ERICH3: variants seen among roughly 807,000 people sequenced by gnomAD.
ERICH3 encodes the protein glutamate-rich protein 3.
A neutral mutation model predicts 131.1 loss-of-function variants in ERICH3; 126 were observed. That is an observed-to-expected ratio of 0.96 (90% CI 0.83 to 1.11). The LOEUF (loss-of-function observed/expected upper bound fraction) is 1.11. ERICH3 is among the 50% of genes most tolerant of loss of function. The pLI is 0.00. For missense variants in ERICH3, 2,050 were observed against 1,810.7 expected, an observed-to-expected ratio of 1.13 and a Z score of -2.40; for synonymous variants, 695 against 644.6, an observed-to-expected ratio of 1.08 and a Z score of -1.18.
intron 2 of ERICH3, 67 bp from the exon 3 acceptor site, chr1:74,646,859 A>T: frequency 1.3e-6 from 1 of 772,986 alleles, no homozygotes. Flanking sequence ...TTTCCAAAAA[A>T]GGGAGGCTGG....
At chr1:74,585,662 A>T (rs541682423) in intron 12 of ERICH3, among the ~76,000 whole-genome samples, 1 of 152,236 alleles carries the variant, frequency 6.6e-6, no homozygotes, top group African/African-American at 2.4e-5. Flanking sequence ...AAATAATTAA[A>T]TACCATACAA....
intron 10 of ERICH3, among the ~76,000 whole-genome samples, chr1:74,602,845 T>C (rs1369615870): frequency 6.6e-6 from 1 of 151,928 alleles, no homozygotes; most frequent in East Asian, 1.9e-4. Context: ...ATCCTATTTG[T>C]TCATACCTCT....
chr1:74,658,434 C>A (rs912043670), intron 1 of ERICH3, among the ~76,000 whole-genome samples: 3 of 152,118 alleles, frequency 2.0e-5, no homozygotes, highest in Admixed American at 2.0e-4. Flanking sequence ...ACCAAACAAA[C>A]CCTTGGCCAA....
chr1:74,588,719 C>T (rs913749571), intron 12 of ERICH3, among the ~76,000 whole-genome samples: 14 of 152,086 alleles, frequency 9.2e-5, no homozygotes, highest in African/African-American at 3.4e-4. Context: ...AAGCATCGGG[C>T]AGGTGCAATC....
chr1:74,579,465 C>T (rs1047360462), intron 12 of ERICH3: 7 of 985,222 alleles, frequency 7.1e-6, no homozygotes, highest in African/African-American at 1.7e-5. Flanking sequence ...CACTTGCCCA[C>T]GTCTGCTGGC....
intron 1 of ERICH3, among the ~76,000 whole-genome samples, chr1:74,671,510 C>T (rs1157179978): frequency 6.6e-6 from 1 of 152,180 alleles, no homozygotes; most frequent in East Asian, 1.9e-4. Context: ...CTGTAAAATT[C>T]CTCTCTTTAT....
intron 5 of ERICH3, among the ~76,000 whole-genome samples, chr1:74,640,519 A>C (rs191941582): frequency 6.6e-6 from 1 of 152,294 alleles, no homozygotes; most frequent in African/African-American, 2.4e-5. Context: ...ACATGTTAAC[A>C]AGGAAATATA....
intron 1 of ERICH3, among the ~76,000 whole-genome samples, chr1:74,672,803 A>G (rs1371855984): frequency 1.3e-5 from 2 of 152,116 alleles, no homozygotes. Context: ...GCAACAGCCA[A>G]TAATGACGGT....
chr1:74,670,845 GA>G (rs1646735503), intron 1 of ERICH3, among the ~76,000 whole-genome samples: 1 of 152,136 alleles, frequency 6.6e-6, no homozygotes. Flanking sequence ...GTAGGAGAGA[GA>G]TTGCTAAATT....
At position 74,606,396 on chromosome 1, in the gene ERICH3, C is replaced by T. The variant is rs1454134147; in HGVS notation, c.1489+205G>A. 3.3e-5 allele frequency among the ~76,000 whole-genome samples: 5 copies of T among 152,006 alleles called. No individual in the cohort carries two copies. In the South Asian group the frequency reaches 6.2e-4, roughly 19 times the overall value. ...TCATCTCTGCAGCCAGAACCTTTAA[C>T]CTTTCTGGGGCTAGGTCTGCCTTCC... On this transcript the variant is annotated intron_variant, in intron 10 of 14. Transcript: ENST00000326665.
chr1:74,636,399 G>A lies in ERICH3; in HGVS notation c.484C>T (p.Pro162Ser). The change falls in exon 6 of 15, where the codon CCT becomes TCT. Residue 162 changes from proline to serine, a missense_variant. Transcript: ENST00000326665. Reference sequence around the variant, plus strand: ...GGAAGAGGCTGTAATCGAATTGGAGGCTGCATATTTCCTGGAGCAGTATAT... The same window carrying A: ...GGAAGAGGCTGTAATCGAATTGGAGACTGCATATTTCCTGGAGCAGTATAT... ...RPYTAPGNMQ[P>S]PIRLQPLPSN... 1 of 1,612,830 alleles carries A rather than the reference G, an allele frequency of 6.2e-7. No individual in the cohort carries two copies. The highest frequency in any genetic ancestry group is 8.5e-7 in the Non-Finnish European group (1 of 1,179,148).
intron 8 of ERICH3, among the ~76,000 whole-genome samples, chr1:74,619,196 C>A (rs1270908088): frequency 6.6e-6 from 1 of 152,184 alleles, no homozygotes; most frequent in East Asian, 1.9e-4. Flanking sequence ...TCAAGTGACA[C>A]CCTTTTTCCC....
chr1:74,571,182 G>T lies in ERICH3; in HGVS notation c.4528C>A (p.Gln1510Lys). Reference protein sequence around the residue: ...KPDFTETREKQQHMVQGESET... With the variant: ...KPDFTETREKKQHMVQGESET... The stretch of plus-strand genomic sequence containing the variant: ...CTTTCTCCTTGCACCATATGCTGTT[G>T]CTTCTCTCGGGTTTCAGTGAAATCA... The change falls in exon 14 of 15, where the codon CAA becomes AAA. Residue 1510 changes from glutamine to lysine, a missense_variant. By Grantham distance (53) the Gln-to-Lys change is moderately conservative. Transcript: ENST00000326665. 6.2e-7 allele frequency: 1 copy of T among 1,614,100 alleles called. No homozygotes were observed. The highest frequency in any genetic ancestry group is 8.5e-7 in the Non-Finnish European group (1 of 1,180,014).
At chr1:74,653,901 T>C (rs1646560001) in intron 1 of ERICH3, among the ~76,000 whole-genome samples, 1 of 152,192 alleles carries the variant, frequency 6.6e-6, no homozygotes, top group Non-Finnish European at 1.5e-5. Context: ...AGTTCAATTC[T>C]GGCTCCACCA....
intron 1 of ERICH3, among the ~76,000 whole-genome samples, chr1:74,663,622 TA>T (rs75939047): frequency 0.096 from 12,701 of 131,832 alleles, 912 homozygotes; most frequent in African/African-American, 0.23. Flanking sequence ...TGATTTTTGT[TA>T]AAAAAAAAAA....
At chr1:74,604,066 G>A (rs994610012) in intron 10 of ERICH3, among the ~76,000 whole-genome samples, 9 of 151,726 alleles carry the variant, frequency 5.9e-5, no homozygotes, top group African/African-American at 2.2e-4. Context: ...CTCAAATCCT[G>A]CCACTCCTTT....
At chr1:74,628,704 C>T (rs1649495225) in intron 7 of ERICH3, among the ~76,000 whole-genome samples, 1 of 151,922 alleles carries the variant, frequency 6.6e-6, no homozygotes, top group African/African-American at 2.4e-5. Context: ...TACACACACA[C>T]ACACACACAG....
intron 1 of ERICH3, among the ~76,000 whole-genome samples, chr1:74,663,622 T>TTA (rs1342704253): frequency 1.5e-5 from 2 of 131,888 alleles, no homozygotes; most frequent in African/African-American, 5.6e-5. Context: ...TGATTTTTGT[T>TTA]AAAAAAAAAA....
rs751330822 is a variant in ERICH3 at position 74,573,086 on chromosome 1, G to A, written c.2624C>T (p.Ala875Val). Residue 875 changes from alanine to valine, a missense_variant, in exon 14 of 15, where the codon GCT becomes GTT. Physicochemically the swap from Ala to Val is moderately conservative, Grantham distance 64. Transcript: ENST00000326665. ...GAGCATCAAGGCTTGCTTTTCAGGA[G>A]CCTCATCTTTACTCAGACCCACAGC... Reference protein sequence around the residue: ...KDAVGLSKDEAPEKQALMLTV... With the variant: ...KDAVGLSKDEVPEKQALMLTV... 31 of 1,614,046 alleles carry A rather than the reference G, an allele frequency of 1.9e-5. 2 individuals carry two copies. In the South Asian group the frequency reaches 2.9e-4, roughly 15 times the overall value.
Sources: gnomAD v4.1 joint callset for allele counts (sites outside exome capture counted in the v4.1 genomes callset) on GRCh38, gnomAD v4.1.1 for gene constraint, MANE v1.5 for transcripts, NCBI Gene and HGNC (gene_info 2026-07-23, HGNC 2026-07-21) for gene names.